OLFM2: variants seen among roughly 807,000 people sequenced by gnomAD.
OLFM2 encodes olfactomedin 2.
Under a neutral mutation model 43.9 loss-of-function variants are expected in OLFM2, and 20 were observed. That is an observed-to-expected ratio of 0.46 (90% CI 0.32 to 0.66). The LOEUF (loss-of-function observed/expected upper bound fraction) is 0.66, where lower values mean the gene tolerates loss of function less well. Among genes scored for constraint, OLFM2 ranks in the 30% least tolerant of loss-of-function variants. The pLI is 0.04. For synonymous variants in OLFM2, 268 were observed against 278.6 expected (o/e 0.96, Z 0.38); for missense variants, 416 against 643.6 (o/e 0.65, Z 3.83).
intron 1 of OLFM2, among the ~76,000 whole-genome samples, chr19:9,932,491 A>G (rs180793559): frequency 8.6e-5 from 13 of 151,772 alleles, no homozygotes; most frequent in Admixed American, 8.5e-4. Context: ...AGAGAGAAAG[A>G]AAAAGAACAC....
intron 1 of OLFM2, among the ~76,000 whole-genome samples, chr19:9,906,052 C>T (rs1429760319): frequency 1.3e-5 from 2 of 152,290 alleles, no homozygotes; most frequent in Non-Finnish European, 2.9e-5. Flanking sequence ...TGAAGACACG[C>T]TCAAACATGC....
At chr19:9,869,862 C>T (rs972045282) in intron 1 of OLFM2, among the ~76,000 whole-genome samples, 1 of 152,144 alleles carries the variant, frequency 6.6e-6, no homozygotes, top group African/African-American at 2.4e-5. Flanking sequence ...CAGACAGTTC[C>T]TCCAGCCTCA....
At chr19:9,898,159 C>G in intron 1 of OLFM2, among the ~76,000 whole-genome samples, 1 of 150,462 alleles carries the variant, frequency 6.6e-6, no homozygotes, top group Non-Finnish European at 1.5e-5. Flanking sequence ...GATACACCCA[C>G]CTCGGCCTCC....
rs533409646 is a variant in OLFM2 at position 9,893,656 on chromosome 19, G to A, written c.64-32862C>T. Among the ~76,000 whole-genome samples the A allele has an allele frequency of 7.2e-5, 11 of 152,254 alleles. No individual in the cohort carries two copies. The East Asian group carries it at 9.7e-4, about 13-fold the overall frequency. ...TTCCCCTTCCTGGGCACCTTCTCAC[G>A]TGTGGAGCACTTCTCTTAAAGTGTT... On this transcript the variant is annotated intron_variant, in intron 1 of 5. Transcript: ENST00000264833.
intron 1 of OLFM2, chr19:9,913,774 G>A (rs1211580506): frequency 1.5e-6 from 1 of 661,156 alleles, no homozygotes; most frequent in Non-Finnish European, 1.9e-6. Context: ...ACGGGGTGAG[G>A]GGGGGCTCGG....
intron 1 of OLFM2, among the ~76,000 whole-genome samples, chr19:9,928,720 G>A (rs947379646): frequency 1.3e-5 from 2 of 151,862 alleles, no homozygotes; most frequent in Non-Finnish European, 2.9e-5. Context: ...CATGAGAATT[G>A]CTTGAACCCA....
intron 1 of OLFM2, among the ~76,000 whole-genome samples, chr19:9,870,454 C>G (rs2046433253): frequency 6.6e-6 from 1 of 152,152 alleles, no homozygotes; most frequent in Non-Finnish European, 1.5e-5. Context: ...AGCTGGCTTC[C>G]TTTTCCAGAA....
chr19:9,910,839 G>A (rs1359722196), intron 1 of OLFM2, among the ~76,000 whole-genome samples: 1 of 152,068 alleles, frequency 6.6e-6, no homozygotes, highest in East Asian at 1.9e-4. Context: ...ATGTACAGAT[G>A]GATGGACAGA....
In OLFM2 at chr19:9,860,811, G is replaced by T. The variant is rs774982724; in HGVS notation, c.64-17C>A. The T allele has an allele frequency of 4.4e-6, 7 of 1,594,906 alleles. No individual in the cohort carries two copies. The East Asian group carries it at 1.6e-4, about 36-fold the overall frequency. The stretch of plus-strand genomic sequence containing the variant: ...GAAGAGAGTCTGCAAAGAGGTGGGG[G>T]TCAGAGACCGGAATCCCAGTGAGGG... On this transcript the variant is annotated splice_polypyrimidine_tract_variant and intron_variant, in intron 1 of 5. Transcript: ENST00000264833.
At chr19:9,890,101 C>A (rs1035847383) in intron 1 of OLFM2, among the ~76,000 whole-genome samples, 8 of 152,038 alleles carry the variant, frequency 5.3e-5, no homozygotes, top group Non-Finnish European at 1.2e-4. Flanking sequence ...GTTTTGCCTT[C>A]TCTTCCCTCT....
chr19:9,871,200 G>A (rs1256544757), intron 1 of OLFM2, among the ~76,000 whole-genome samples: 1 of 151,368 alleles, frequency 6.6e-6, no homozygotes, highest in Non-Finnish European at 1.5e-5. Flanking sequence ...GAACCTAGGA[G>A]GCAGAGGTTG....
chr19:9,906,992 G>A (rs1458630914), intron 1 of OLFM2, among the ~76,000 whole-genome samples: 3 of 152,238 alleles, frequency 2.0e-5, no homozygotes, highest in South Asian at 2.1e-4. Context: ...CTAGAGGGAC[G>A]CCCTCCTGAG....
intron 1 of OLFM2, among the ~76,000 whole-genome samples, chr19:9,908,385 C>A (rs934381989): frequency 6.6e-6 from 1 of 151,436 alleles, no homozygotes. Context: ...CGGCTCACTG[C>A]AACCTCTGCC....
intron 1 of OLFM2, among the ~76,000 whole-genome samples, chr19:9,896,150 G>C (rs560296723): frequency 1.4e-5 from 2 of 138,794 alleles, no homozygotes; most frequent in Non-Finnish European, 3.0e-5. Context: ...AGGCTGGATG[G>C]AGTGCAGTGG....
chr19:9,916,555 G>A (rs115088231), intron 1 of OLFM2, among the ~76,000 whole-genome samples: 2,531 of 152,250 alleles, frequency 0.017, 52 homozygotes, highest in African/African-American at 0.048. Context: ...GGAAGTGGGG[G>A]CCCAGGTTTT....
chr19:9,915,722 G>A (rs1293760157), intron 1 of OLFM2, among the ~76,000 whole-genome samples: 1 of 151,776 alleles, frequency 6.6e-6, no homozygotes, highest in Non-Finnish European at 1.5e-5. Flanking sequence ...GTTTCACCGT[G>A]TTAGCCAGGA....
chr19:9,881,224 C>T (rs8113471), intron 1 of OLFM2, among the ~76,000 whole-genome samples: 139,960 of 152,276 alleles, frequency 0.92, 65,123 homozygotes, highest in Non-Finnish European at 1. Flanking sequence ...CATCCCTTTG[C>T]TCCTTCTATT....
chr19:9,876,411 C>G (rs1288511584), intron 1 of OLFM2, among the ~76,000 whole-genome samples: 1 of 152,140 alleles, frequency 6.6e-6, no homozygotes, highest in Non-Finnish European at 1.5e-5. Flanking sequence ...GCCTCGAAGG[C>G]TGGACAGCAC....
chr19:9,906,599 T>A (rs546381318), intron 1 of OLFM2, among the ~76,000 whole-genome samples: 1 of 151,992 alleles, frequency 6.6e-6, no homozygotes, highest in East Asian at 1.9e-4. Context: ...CAAGGGGAGA[T>A]GCGGAAACTC....
Sources: allele counts gnomAD v4.1 joint callset (sites outside exome capture counted in the v4.1 genomes callset), GRCh38; gene constraint gnomAD v4.1.1; transcripts MANE v1.5; gene names NCBI Gene and HGNC (gene_info 2026-07-23, HGNC 2026-07-21).